Variants in DNMT3A observed in about 807,000 individuals in gnomAD.
The protein encoded by DNMT3A is DNA (cytosine-5)-methyltransferase 3A.
DNMT3A carries 267 observed loss-of-function variants against 117.6 expected under a neutral mutation model. The observed-to-expected ratio is 2.27, with a 90% confidence interval of 2.05 to 2.51. The LOEUF is 2.51. Among genes scored for constraint, DNMT3A ranks in the 30% most tolerant of loss-of-function variants. The probability of loss-of-function intolerance (pLI) is 0.00; values close to 1 mark genes in which losing one functional copy is unlikely to be tolerated. For missense variants in DNMT3A, 1,029 were observed against 1,260.2 expected, an observed-to-expected ratio of 0.82 and a Z score of 2.78; for synonymous variants, 432 against 474.8, an observed-to-expected ratio of 0.91 and a Z score of 1.17.
intron 6 of DNMT3A, among the ~76,000 whole-genome samples, chr2:25,261,248 G>A (rs1203056252): frequency 2.0e-5 from 3 of 151,996 alleles, no homozygotes; most frequent in African/African-American, 7.3e-5. Context: ...AGACTAGCCT[G>A]GCCAACATGG....
rs1363437227 is a variant in DNMT3A, at chr2:25,293,623, C to T, written c.177+6516G>A. Among the ~76,000 whole-genome samples the T allele has an allele frequency of 2.0e-5, 3 of 151,850 alleles. No individual in the cohort carries two copies. Among genetic ancestry groups the T allele is most frequent in the Non-Finnish European group, 4.4e-5 (3 of 67,974 alleles). On this transcript the variant is annotated intron_variant, in intron 3 of 22. Transcript: ENST00000321117. This position sits in a 1 kb window ranked among gnomAD's most constrained non-coding sequence, Gnocchi z 4.7. ...CCTGCCTTAGCCTCCCAAGTAGCTGCGACCACAGGTGTACCACCATACCCA... is the reference window on the plus strand; with the variant it reads ...CCTGCCTTAGCCTCCCAAGTAGCTGTGACCACAGGTGTACCACCATACCCA...
rs1673331023 is a variant in DNMT3A, at chr2:25,236,077, T to G, written c.2479-252A>C. Among the ~76,000 whole-genome samples the G allele has an allele frequency of 6.6e-6, 1 of 151,916 alleles. No individual in the cohort carries two copies. Among genetic ancestry groups the G allele is most frequent in the Non-Finnish European group, 1.5e-5 (1 of 67,934 alleles). ...CCATCTAGCCACAGACTTTTTTTTT[T>G]TTTTTTGAGACGGAGTCTCGCTCTG... is the stretch of plus-strand genomic sequence containing the variant. On this transcript the variant is annotated intron_variant, in intron 21 of 22. Coordinates refer to ENST00000321117, the MANE Select transcript of DNMT3A (RefSeq NM_022552.5). The surrounding 1 kb of genome is among the most constrained non-coding windows in gnomAD (Gnocchi z 4.5).
intron 6 of DNMT3A, among the ~76,000 whole-genome samples, chr2:25,258,441 C>T (rs913349446): frequency 2.0e-5 from 3 of 152,194 alleles, no homozygotes; most frequent in Non-Finnish European, 4.4e-5. Flanking sequence ...TGAAGCTCAC[C>T]TAAACACCGG....
chr2:25,264,386 C>T (rs1003866413), intron 6 of DNMT3A, among the ~76,000 whole-genome samples: 34 of 152,086 alleles, frequency 2.2e-4, no homozygotes, highest in Admixed American at 6.5e-4. Flanking sequence ...GAGATCCACC[C>T]GCCTTGGCCT....
At chr2:25,275,652 C>A (rs1291919961) in intron 4 of DNMT3A, 109 bp from the exon 5 acceptor site, 3 of 1,228,000 alleles carry the variant, frequency 2.4e-6, no homozygotes, top group Non-Finnish European at 3.4e-6. Flanking sequence ...GGATGGGGGT[C>A]CTCTGGCCGT....
rs1017587611 is a variant in DNMT3A at position 25,228,404 on chromosome 2, G to C, written c.*5875C>G. 2.0e-5 allele frequency: 3 copies of C among 151,738 alleles called. No individual in the cohort carries two copies. Among genetic ancestry groups the C allele is most frequent in the African/African-American group, 7.3e-5 (3 of 41,258 alleles). 9.4% of individuals were successfully genotyped at this position (151,738 alleles called of 1,614,324 possible). On this transcript the variant is annotated 3_prime_UTR_variant, in exon 23 of 23. Transcript: ENST00000321117. The stretch of plus-strand genomic sequence containing the variant: ...GTGGAATGTGGAGTAAAAGTGCTCT[G>C]CCACCGGGGTCAAAGCGAAATCGTC...
rs746534024 is a variant in DNMT3A at position 25,252,244 on chromosome 2, G to A, written c.640-3992C>T. 6 of 1,515,990 alleles carry A rather than the reference G, an allele frequency of 4.0e-6. No homozygotes were observed. The highest frequency in any genetic ancestry group is 5.3e-6 in the Non-Finnish European group (6 of 1,130,918). The allele number at this position is 1,515,990 out of a possible 1,614,324, so 93.9% of individuals were successfully genotyped here. The stretch of plus-strand genomic sequence containing the variant: ...GCAGTCGCGCTCAGGTGTGAGCCGC[G>A]GCCCTGAAGCTCTGGAAGTAGCTGC... On this transcript the variant is annotated intron_variant, in intron 6 of 22. Transcript: ENST00000321117. This position sits in a 1 kb window ranked among gnomAD's most constrained non-coding sequence, Gnocchi z 5.5.
chr2:25,341,723 C>G, intron 1 of DNMT3A, 103 bp downstream of exon 1: 6 of 839,442 alleles, frequency 7.1e-6, no homozygotes, highest in Non-Finnish European at 8.6e-6. Context: ...CGGGAGCGTG[C>G]CCCGAGCCGG....
At chr2:25,324,593 C>T (rs2034717915) in intron 1 of DNMT3A, among the ~76,000 whole-genome samples, 1 of 152,162 alleles carries the variant, frequency 6.6e-6, no homozygotes. Context: ...AGCAGAGTAT[C>T]TTGTGCCCCA....
chr2:25,240,564 G>A, intron 18 of DNMT3A, 76 bp downstream of exon 18: 1 of 1,600,712 alleles, frequency 6.2e-7, no homozygotes, highest in Non-Finnish European at 8.5e-7. Flanking sequence ...GCTGTCCCAG[G>A]GCAGAAATAT....
intron 3 of DNMT3A, among the ~76,000 whole-genome samples, chr2:25,290,546 TC>T (rs2032677332): frequency 1.3e-5 from 2 of 152,164 alleles, no homozygotes; most frequent in African/African-American, 4.8e-5. Context: ...GGTCTCGAAC[TC>T]CCAACCTCAG....
intron 19 of DNMT3A, among the ~76,000 whole-genome samples, 165 bp downstream of exon 19, chr2:25,240,137 T>TGC (rs1673806589): frequency 1.3e-5 from 2 of 152,178 alleles, no homozygotes; most frequent in South Asian, 4.1e-4. Flanking sequence ...CCTCTAACCC[T>TGC]GCTTCCTCCC....
chr2:25,275,408 G>T, intron 5 of DNMT3A, 92 bp downstream of exon 5: 1 of 1,472,642 alleles, frequency 6.8e-7, no homozygotes, highest in Non-Finnish European at 9.2e-7. Context: ...GAAGGAGGAG[G>T]GGCCCACCCT....
chr2:25,269,520 T>G, intron 6 of DNMT3A, among the ~76,000 whole-genome samples: 1 of 152,176 alleles, frequency 6.6e-6, no homozygotes, highest in East Asian at 1.9e-4. Flanking sequence ...TGTCCCTTCC[T>G]AGGGGACACC....
At chr2:25,319,248 T>C (rs963841111) in intron 1 of DNMT3A, among the ~76,000 whole-genome samples, 2 of 151,988 alleles carry the variant, frequency 1.3e-5, no homozygotes, top group Non-Finnish European at 2.9e-5. Context: ...GCTCCTGACC[T>C]GGTGATCCGC....
rs2032947072 is a variant in DNMT3A, at chr2:25,294,117, CCT to C, written c.177+6020_177+6021del. ...CCCAGCTCAGCTGGGGTCGGGGGTG[CCT>C]CTCACTTTCCCCTTGACTTCTCCAA... On this transcript the variant is annotated intron_variant, in intron 3 of 22. Transcript: ENST00000321117. The surrounding 1 kb of genome is among the most constrained non-coding windows in gnomAD (Gnocchi z 4.7). Among the ~76,000 whole-genome samples the C allele has an allele frequency of 6.6e-6, 1 of 152,180 alleles. No individual in the cohort carries two copies. The highest frequency in any genetic ancestry group is 6.5e-5 in the Admixed American group (1 of 15,268).
At chr2:25,302,896 G>A (rs2033594514) in intron 2 of DNMT3A, among the ~76,000 whole-genome samples, 1 of 152,220 alleles carries the variant, frequency 6.6e-6, no homozygotes, top group Non-Finnish European at 1.5e-5. Flanking sequence ...AAAGCAAAGT[G>A]GGCATGAGCC....
chr2:25,338,836 G>A (rs1234741065), intron 1 of DNMT3A, among the ~76,000 whole-genome samples: 1 of 152,168 alleles, frequency 6.6e-6, no homozygotes, highest in East Asian at 1.9e-4. Flanking sequence ...AGAACCACTG[G>A]CAGAGGTGGG....
chr2:25,281,855 C>G lies in DNMT3A; in HGVS notation c.448+586G>C. ...CAGTACACAGAATACAATCACCCAG[C>G]CCTCTCCCCACGCCACTGTCACAAC... On this transcript the variant is annotated intron_variant, in intron 4 of 22. Coordinates refer to ENST00000321117, the MANE Select transcript of DNMT3A (RefSeq NM_022552.5). The surrounding 1 kb of genome is among the most constrained non-coding windows in gnomAD (Gnocchi z 4.8). The G allele has an allele frequency of 9.4e-7, 1 of 1,069,192 alleles. No homozygotes were observed. The highest frequency in any genetic ancestry group is 1.1e-6 in the Non-Finnish European group (1 of 881,638). 66.2% of individuals were successfully genotyped at this position (1,069,192 alleles called of 1,614,324 possible). A position where few individuals can be genotyped will look rare whatever the true frequency, so the allele number is the denominator to read the frequency against.
Sources: allele counts gnomAD v4.1 joint callset (sites outside exome capture counted in the v4.1 genomes callset), GRCh38; gene constraint gnomAD v4.1.1; non-coding constraint Gnocchi (gnomAD v3.1); transcripts MANE v1.5; gene names NCBI Gene and HGNC (gene_info 2026-07-23, HGNC 2026-07-21).